Variants in NAV2 observed in about 807,000 individuals in gnomAD.
NAV2 encodes the protein neuron navigator 2, also known as helicase, APC down-regulated 1.
Under a neutral mutation model 223.2 loss-of-function variants are expected in NAV2, and 54 were observed. That is an observed-to-expected ratio of 0.24 (90% CI 0.19 to 0.30). The LOEUF (loss-of-function observed/expected upper bound fraction) is 0.30. Ranked by LOEUF, NAV2 falls within the 10% of genes least tolerant of loss-of-function variation. The probability of loss-of-function intolerance (pLI) is 1.00; values close to 1 mark genes in which losing one functional copy is unlikely to be tolerated. For missense variants in NAV2, 2,806 were observed against 3,147.5 expected, an observed-to-expected ratio of 0.89 and a Z score of 2.60; for synonymous variants, 1,279 against 1,239.3, an observed-to-expected ratio of 1.03 and a Z score of -0.67.
chr11:19,402,272 A>G (rs928812671), intron 1 of NAV2, among the ~76,000 whole-genome samples: 3 of 152,302 alleles, frequency 2.0e-5, no homozygotes, highest in Non-Finnish European at 4.4e-5. Context: ...TTGACTTTGA[A>G]CAAGTTACTT....
chr11:19,441,404 G>T (rs562503568), intron 1 of NAV2, among the ~76,000 whole-genome samples: 3 of 151,382 alleles, frequency 2.0e-5, no homozygotes, highest in Non-Finnish European at 4.4e-5. Context: ...AGAACAGATC[G>T]GAGAGGTACA....
At chr11:19,568,762 T>C (rs1253268848) in intron 1 of NAV2, among the ~76,000 whole-genome samples, 1 of 152,186 alleles carries the variant, frequency 6.6e-6, no homozygotes, top group East Asian at 1.9e-4. Context: ...CCCAAGTCTG[T>C]GCTGCTAACG....
At chr11:19,359,885 T>C (rs1853832484) in intron 1 of NAV2, among the ~76,000 whole-genome samples, 1 of 152,088 alleles carries the variant, frequency 6.6e-6, no homozygotes, top group Non-Finnish European at 1.5e-5. Context: ...CCCAATACTC[T>C]TCCTCCACTG....
chr11:19,739,984 AG>A (rs977671888), intron 1 of NAV2, among the ~76,000 whole-genome samples: 2 of 152,096 alleles, frequency 1.3e-5, no homozygotes, highest in African/African-American at 4.8e-5. Flanking sequence ...CTCCTTGGAG[AG>A]GGAAAGGAAG....
At position 19,948,867 on chromosome 11, in the gene NAV2, G is replaced by A. The variant is rs748723662; in HGVS notation, c.2432G>A (p.Ser811Asn). Reference protein sequence around the residue: ...GNGYPPRANASRFINTESGRY... With the variant: ...GNGYPPRANANRFINTESGRY... ...GGGTATCCCCCTCGAGCCAACGCCA[G>A]CAGGTTCATCAACACTGAGTCAGGT... Residue 811 changes from serine to asparagine, a missense_variant, in exon 10 of 38, where the codon AGC becomes AAC. This residue lies in a region of NAV2 where 1,167 missense variants were observed against 1,180.5 expected (regional missense o/e 0.99). Coordinates refer to ENST00000349880, the MANE Select transcript of NAV2 (RefSeq NM_145117.5). The A allele has an allele frequency of 2.5e-6, 4 of 1,614,098 alleles. No homozygotes were observed. The East Asian group carries it at 8.9e-5, about 36-fold the overall frequency.
chr11:19,738,195 G>T (rs1365681973), intron 1 of NAV2, among the ~76,000 whole-genome samples: 4 of 152,222 alleles, frequency 2.6e-5, no homozygotes, highest in South Asian at 2.1e-4. Flanking sequence ...CATCTGCTCT[G>T]CAGAGAGTTC....
At chr11:19,712,605 G>T (rs1225779082), upstream of NAV2, 1 of 152,200 alleles carries the variant, frequency 6.6e-6, no homozygotes, top group East Asian at 1.9e-4. Flanking sequence ...AGGAACGCAG[G>T]GGTGTGGGCC....
chr11:19,674,461 C>G (rs906378446), intron 1 of NAV2, among the ~76,000 whole-genome samples: 1 of 152,154 alleles, frequency 6.6e-6, no homozygotes, highest in African/African-American at 2.4e-5. Context: ...CCCCAAAGGT[C>G]AAATTCCCCA....
intron 1 of NAV2, among the ~76,000 whole-genome samples, chr11:19,466,980 T>TACACACACA (rs1852372780): frequency 1.0e-5 from 1 of 98,246 alleles, no homozygotes; most frequent in Admixed American, 1.1e-4. Context: ...CTTCTCTCTC[T>TACACACACA]CTCTACACAC....
At chr11:20,042,317 G>A (rs899851207) in intron 12 of NAV2, among the ~76,000 whole-genome samples, 8 of 152,170 alleles carry the variant, frequency 5.3e-5, no homozygotes, top group Non-Finnish European at 7.3e-5. Context: ...CCTGAAAAGC[G>A]TGTGTTCCTT....
intron 1 of NAV2, among the ~76,000 whole-genome samples, chr11:19,734,731 A>G (rs372702229): frequency 6.6e-5 from 10 of 152,360 alleles, no homozygotes; most frequent in Non-Finnish European, 1.3e-4. Context: ...CATACAATGG[A>G]AAGGGCTGGG....
At chr11:19,648,491 T>C (rs2047878742) in intron 1 of NAV2, among the ~76,000 whole-genome samples, 1 of 152,196 alleles carries the variant, frequency 6.6e-6, no homozygotes, top group African/African-American at 2.4e-5. Flanking sequence ...AAGCATATCA[T>C]GTTTCAGAAT....
At chr11:19,589,074 C>T (rs979720028) in intron 1 of NAV2, among the ~76,000 whole-genome samples, 2 of 152,176 alleles carry the variant, frequency 1.3e-5, no homozygotes, top group African/African-American at 2.4e-5. Flanking sequence ...TGTGCTGGTT[C>T]CTGGGTGTCC....
At chr11:20,113,781 C>T (rs532483439) in intron 36 of NAV2, among the ~76,000 whole-genome samples, 2 of 152,112 alleles carry the variant, frequency 1.3e-5, no homozygotes, top group South Asian at 2.1e-4. Flanking sequence ...GACCAAGGCA[C>T]GAGGATTGTT....
At chr11:19,772,845 G>T (rs2055828931) in intron 1 of NAV2, among the ~76,000 whole-genome samples, 1 of 152,200 alleles carries the variant, frequency 6.6e-6, no homozygotes, top group African/African-American at 2.4e-5. Flanking sequence ...ATTAGTCATT[G>T]CTTTGGCTGA....
chr11:20,111,850 C>A (rs556825233), intron 36 of NAV2, among the ~76,000 whole-genome samples: 1 of 152,336 alleles, frequency 6.6e-6, no homozygotes, highest in African/African-American at 2.4e-5. Context: ...CAAAAGTTCC[C>A]CAGTCTACTC....
intron 17 of NAV2, 121 bp from the exon 18 acceptor site, chr11:20,053,959 T>C (rs1476472878): frequency 6.4e-6 from 7 of 1,096,970 alleles, no homozygotes; most frequent in Non-Finnish European, 9.0e-6. Flanking sequence ...AGTGATCTGA[T>C]TTTAAAAAAA....
intron 22 of NAV2, among the ~76,000 whole-genome samples, chr11:20,070,144 G>A (rs6483638): frequency 0.29 from 43,650 of 152,040 alleles, 6,677 homozygotes; most frequent in South Asian, 0.42. Flanking sequence ...CGTAGGTCCT[G>A]TTCAGAAAAA....
At chr11:20,108,089 G>A (rs568458362) in intron 36 of NAV2, among the ~76,000 whole-genome samples, 1 of 152,344 alleles carries the variant, frequency 6.6e-6, no homozygotes, top group South Asian at 2.1e-4. Context: ...GTGAGTGCCT[G>A]AGAAGTAGAA....
Sources: allele counts gnomAD v4.1 joint callset (sites outside exome capture counted in the v4.1 genomes callset), GRCh38; gene constraint gnomAD v4.1.1; regional missense constraint gnomAD v4.1.1; transcripts MANE v1.5; gene names NCBI Gene and HGNC (gene_info 2026-07-23, HGNC 2026-07-21).